Variants in ZNF425 observed in about 807,000 individuals in gnomAD.
The protein encoded by ZNF425 is zinc finger protein 425.
Under a neutral mutation model 17.0 loss-of-function variants are expected in ZNF425, and 21 were observed. The observed-to-expected ratio is 1.23, with a 90% CI of 0.88 to 1.78. The LOEUF is 1.78. Ranked by LOEUF, ZNF425 falls within the 40% of genes most tolerant of loss-of-function variation. The probability of loss-of-function intolerance (pLI) is 0.00; values close to 1 mark genes in which losing one functional copy is unlikely to be tolerated. For synonymous variants in ZNF425, 433 were observed against 384.1 expected, an observed-to-expected ratio of 1.13 and a Z score of -1.49; for missense variants, 868 against 967.3, an observed-to-expected ratio of 0.90 and a Z score of 1.36.
chr7:149,104,118 C>T lies in ZNF425; in HGVS notation c.1753G>A (p.Gly585Ser), dbSNP rs1460987860. Residue 585 changes from glycine to serine, a missense_variant, in exon 4 of 4, where the codon GGT becomes AGT. Transcript: ENST00000378061. This position sits in a 1 kb window ranked among gnomAD's most constrained non-coding sequence, Gnocchi z 4.3. ...MHRDEKPFAC[G>S]ECDKTYTHQS... ...TGCGTGTAGGTCTTGTCACACTCACCGCACGCGAAGGGCTTCTCGTCCCTG... is the reference window on the plus strand; with the variant it reads ...TGCGTGTAGGTCTTGTCACACTCACTGCACGCGAAGGGCTTCTCGTCCCTG... The T allele has an allele frequency of 1.2e-6, 2 of 1,612,652 alleles. No individual in the cohort carries two copies. Among genetic ancestry groups the T allele is most frequent in the South Asian group, 2.2e-5 (2 of 91,068 alleles).
rs769014205 is a variant in ZNF425, at chr7:149,105,167, C to T, written c.704G>A (p.Arg235Gln). Residue 235 changes from arginine to glutamine, a missense_variant, in exon 4 of 4, where the codon CGG becomes CAG. Coordinates refer to ENST00000378061, the MANE Select transcript of ZNF425 (RefSeq NM_001001661.3). ...NSSRGKSELR[R>Q]TQRLLCQKKR... ...CTTCTGACACAGGAGCCTCTGCGTC[C>T]GCCTGAGTTCGGACTTCCCTCTGGA... 3.0e-5 allele frequency: 49 copies of T among 1,614,074 alleles called. No individual in the cohort carries two copies. Among genetic ancestry groups the T allele is most frequent in the Non-Finnish European group, 4.2e-6 (5 of 1,180,050 alleles).
At chr7:149,107,370 C>T (rs1406695586) in intron 3 of ZNF425, among the ~76,000 whole-genome samples, 2 of 150,040 alleles carry the variant, frequency 1.3e-5, no homozygotes, top group Non-Finnish European at 3.0e-5. Flanking sequence ...CAGAGTCTAG[C>T]TCTGTCGCCC....
chr7:149,105,782 C>T lies in ZNF425; in HGVS notation c.305-216G>A, dbSNP rs1826074146. On this transcript the variant is annotated intron_variant, in intron 3 of 3. Coordinates refer to ENST00000378061, the MANE Select transcript of ZNF425 (RefSeq NM_001001661.3). ...TCTACTGCCTCAGCCTCCCAAGTAG[C>T]TGGGACGACAGGCGCCCGCCACCAC... is the stretch of plus-strand genomic sequence containing the variant. Among the ~76,000 whole-genome samples, 3 of 151,854 alleles carry T rather than the reference C, an allele frequency of 2.0e-5. No homozygotes were observed. The South Asian group carries it at 6.2e-4, about 31-fold the overall frequency.
At chr7:149,123,776 CCCG>C (rs1826400423) in intron 1 of ZNF425, among the ~76,000 whole-genome samples, 1 of 151,798 alleles carries the variant, frequency 6.6e-6, no homozygotes, top group South Asian at 2.1e-4. Context: ...AGTTGATCCG[CCCG>C]CCTCGGCCTC....
At chr7:149,113,853 A>G (rs1346027895) in intron 2 of ZNF425, among the ~76,000 whole-genome samples, 3 of 151,258 alleles carry the variant, frequency 2.0e-5, no homozygotes, top group African/African-American at 4.9e-5. Context: ...ACCTGGCCCA[A>G]AAATTTTAAA....
Position 149,105,585 on chromosome 7 carries a change from T to A in ZNF425, c.305-19A>T. ...TCGTCATCTGGAGCAGAAAGAAGTA[T>A]CACTCTCATCAGTGATATGTCTACC... On this transcript the variant is annotated intron_variant, in intron 3 of 3. Transcript: ENST00000378061. 6.7e-7 allele frequency: 1 copy of A among 1,500,656 alleles called. No homozygotes were observed. Among genetic ancestry groups the A allele is most frequent in the South Asian group, 1.4e-5 (1 of 70,410 alleles). 93.0% of individuals were successfully genotyped at this position (1,500,656 alleles called of 1,614,324 possible). A position where few individuals can be genotyped will look rare whatever the true frequency, so the allele number is the denominator to read the frequency against.
At chr7:149,117,491 T>G (rs1826284499) in intron 2 of ZNF425, among the ~76,000 whole-genome samples, 1 of 152,006 alleles carries the variant, frequency 6.6e-6, no homozygotes, top group Non-Finnish European at 1.5e-5. Flanking sequence ...ACTTAATCAC[T>G]CTGTCCCCTT....
At position 149,103,563 on chromosome 7, in the gene ZNF425, CT is replaced by C; in HGVS notation, c.*48del. The C allele has an allele frequency of 6.5e-7, 1 of 1,533,384 alleles. No individual in the cohort carries two copies. The highest frequency in any genetic ancestry group is 8.7e-7 in the Non-Finnish European group (1 of 1,146,020). 95.0% of individuals were successfully genotyped at this position (1,533,384 alleles called of 1,614,324 possible). ...CCTGCCTCAACTTGAGCCAACAGAG[CT>C]GCTGGCACCTCCTGAAAGCCGACTG... On this transcript the variant is annotated 3_prime_UTR_variant, in exon 4 of 4. Coordinates refer to ENST00000378061, the MANE Select transcript of ZNF425 (RefSeq NM_001001661.3).
Position 149,105,347 on chromosome 7 carries a change from C to A in ZNF425, c.524G>T (p.Arg175Leu), listed in dbSNP as rs760302555. 1.9e-6 allele frequency: 3 copies of A among 1,613,908 alleles called. No individual in the cohort carries two copies. The highest frequency in any genetic ancestry group is 1.7e-5 in the Admixed American group (1 of 59,960). The stretch of plus-strand genomic sequence containing the variant: ...AATTTCTAAGCGCCCTGGGGTCTCC[C>A]GAGGCTTATGCCGCAGGTCTTTCTT... ...PDKKDLRHKPRETPGRLEIPT... is the reference protein window; with the variant it reads ...PDKKDLRHKPLETPGRLEIPT... Residue 175 changes from arginine to leucine, a missense_variant, in exon 4 of 4, where the codon CGG (arginine) becomes CTG (leucine). Arg to Leu is a moderately radical substitution (Grantham distance 102). Around this residue, in one of 5 missense-constraint regions of ZNF425, gnomAD observed 179 missense variants for 216.3 expected, o/e 0.83. Transcript: ENST00000378061.
chr7:149,104,693 C>T lies in ZNF425; in HGVS notation c.1178G>A (p.Arg393Lys). Residue 393 changes from arginine (R) to lysine (K), a missense_variant, in exon 4 of 4, where the codon AGG becomes AAG. Around this residue, in one of 5 missense-constraint regions of ZNF425, gnomAD observed 243 missense variants for 265.2 expected, o/e 0.92. Transcript: ENST00000378061. The surrounding 1 kb of genome is among the most constrained non-coding windows in gnomAD (Gnocchi z 4.3). ...EKPFSCGECGRKFIYKIKLDE... is the reference protein window; with the variant it reads ...EKPFSCGECGKKFIYKIKLDE... Reference sequence around the variant, plus strand: ...CAGCTTAATCTTGTAGATGAATTTCCTGCCACATTCACCACAAGAAAACGG... The same window carrying T: ...CAGCTTAATCTTGTAGATGAATTTCTTGCCACATTCACCACAAGAAAACGG... 2 of 1,613,882 alleles carry T rather than the reference C, an allele frequency of 1.2e-6. No homozygotes were observed. Among genetic ancestry groups the T allele is most frequent in the Non-Finnish European group, 1.7e-6 (2 of 1,180,026 alleles).
In ZNF425 at chr7:149,124,768, C is replaced by T. The variant is rs185051567; in HGVS notation, c.18+1428G>A. Among the ~76,000 whole-genome samples the T allele has an allele frequency of 9.2e-3, 1,398 of 151,502 alleles. 14 individuals are homozygous for T. Among genetic ancestry groups the T allele is most frequent in the African/African-American group, 0.032 (1,323 of 41,296 alleles). ...GTTGGTCAGGCTGGTCTCGAACTCC[C>T]GACCTCAGGTGATCCGCCCGCCTCA... On this transcript the variant is annotated intron_variant, in intron 1 of 3. Coordinates refer to ENST00000378061, the MANE Select transcript of ZNF425 (RefSeq NM_001001661.3).
intron 2 of ZNF425, among the ~76,000 whole-genome samples, chr7:149,115,453 AGACCACCCTGGCCAACAT>A (rs369047667): frequency 1.3e-4 from 19 of 151,106 alleles, no homozygotes; most frequent in South Asian, 2.1e-4. Flanking sequence ...CAGGAGTTCG[AGACCACCCTGGCCAACAT>A]GACCACCCTG....
intron 3 of ZNF425, among the ~76,000 whole-genome samples, chr7:149,111,108 T>C (rs1216995735): frequency 6.6e-6 from 1 of 152,038 alleles, no homozygotes; most frequent in African/African-American, 2.4e-5. Flanking sequence ...CCTTGCCCTT[T>C]ACAAGGAATT....
chr7:149,126,292 T>A lies in ZNF425; in HGVS notation c.-79A>T, dbSNP rs1826470077. The stretch of plus-strand genomic sequence containing the variant: ...CCAACCCAACTCCCAGGTACAGCCC[T>A]GCTGGCCCCCAAAGGCAGAGCCGGC... On this transcript the variant is annotated 5_prime_UTR_variant, in exon 1 of 4. Coordinates refer to ENST00000378061, the MANE Select transcript of ZNF425 (RefSeq NM_001001661.3). 4.5e-6 allele frequency: 7 copies of A among 1,548,288 alleles called. No homozygotes were observed. In the East Asian group the frequency reaches 1.7e-4, roughly 38 times the overall value.
At chr7:149,118,714 C>T in intron 1 of ZNF425, 1 of 351,934 alleles carries the variant, frequency 2.8e-6, no homozygotes, top group Non-Finnish European at 5.7e-6. Context: ...ACTCAGGAAG[C>T]TGAGGCAGGA....
At chr7:149,118,121 G>T in intron 2 of ZNF425, 101 bp downstream of exon 2, 1 of 1,321,292 alleles carries the variant, frequency 7.6e-7, no homozygotes, top group Non-Finnish European at 1.1e-6. Flanking sequence ...TGTAAACTGG[G>T]CACAGTATCA....
At chr7:149,107,733 C>T (rs1295735693) in intron 3 of ZNF425, among the ~76,000 whole-genome samples, 3 of 152,044 alleles carry the variant, frequency 2.0e-5, no homozygotes, top group Non-Finnish European at 4.4e-5. Context: ...TTATTACCCA[C>T]TAGATCTGGA....
At position 149,104,461 on chromosome 7, in the gene ZNF425, G is replaced by T. The variant is rs758330922; in HGVS notation, c.1410C>A (p.Phe470Leu). 1.9e-6 allele frequency: 3 copies of T among 1,600,590 alleles called. No homozygotes were observed. The highest frequency in any genetic ancestry group is 2.7e-5 in the African/African-American group (2 of 74,680). ...AGCGCTTGCCGCACTCGGCGCAGGG[G>T]AAGGGCTTTTGCTCGCTGTGCAGGC... The part of the protein sequence containing the change: ...HQRLHSEQKP[F>L]PCAECGKRFT... Residue 470 changes from phenylalanine to leucine, a missense_variant, in exon 4 of 4, where the codon TTC becomes TTA. Coordinates refer to ENST00000378061, the MANE Select transcript of ZNF425 (RefSeq NM_001001661.3). The surrounding 1 kb of genome is among the most constrained non-coding windows in gnomAD (Gnocchi z 4.3).
intron 3 of ZNF425, among the ~76,000 whole-genome samples, chr7:149,106,999 C>T (rs140744161): frequency 0.049 from 7,366 of 150,850 alleles, 539 homozygotes; most frequent in African/African-American, 0.16. Flanking sequence ...CCCAGCTATT[C>T]GGGAGGCTGA....
Sources: gnomAD v4.1 joint callset for allele counts (sites outside exome capture counted in the v4.1 genomes callset) on GRCh38, gnomAD v4.1.1 for gene constraint, gnomAD v4.1.1 regional missense constraint, Gnocchi (gnomAD v3.1) non-coding constraint, MANE v1.5 for transcripts, NCBI Gene and HGNC (gene_info 2026-07-23, HGNC 2026-07-21) for gene names.